The following IPCEF1 variants were observed in gnomAD, a reference collection of about 807,000 sequenced individuals.
IPCEF1 encodes interactor protein for cytohesin exchange factors 1.
Under a neutral mutation model 50.9 loss-of-function variants are expected in IPCEF1, and 31 were observed. The observed-to-expected ratio is 0.61, with a 90% CI of 0.46 to 0.82. The LOEUF (loss-of-function observed/expected upper bound fraction) is 0.82. Ranked by LOEUF, IPCEF1 falls within the 40% of genes least tolerant of loss-of-function variation. The pLI is 0.00. For missense variants in IPCEF1, 458 were observed against 514.0 expected, an observed-to-expected ratio of 0.89 and a Z score of 1.05; for synonymous variants, 181 against 192.0, an observed-to-expected ratio of 0.94 and a Z score of 0.47.
At chr6:154,276,425 T>C (rs1244424645) in intron 2 of IPCEF1, among the ~76,000 whole-genome samples, 1 of 152,152 alleles carries the variant, frequency 6.6e-6, no homozygotes, top group African/African-American at 2.4e-5. Flanking sequence ...AACTACTGTA[T>C]ATAATCATGG....
Position 154,208,692 on chromosome 6 carries a change from A to C in IPCEF1, c.537+4078T>G, listed in dbSNP as rs536061451. On this transcript the variant is annotated intron_variant, in intron 9 of 11. Transcript: ENST00000367220. ...TGATGCTTTTTTAAAATTAAACTTG[A>C]AGGAAAAATACCTGGAGTAAATTTT... Among the ~76,000 whole-genome samples, 6 of 152,330 alleles carry C rather than the reference A, an allele frequency of 3.9e-5. No homozygotes were observed. The East Asian group carries it at 9.6e-4, about 24-fold the overall frequency.
At chr6:154,283,291 CAAAA>C (rs35691566) in intron 2 of IPCEF1, among the ~76,000 whole-genome samples, 1 of 66,404 alleles carries the variant, frequency 1.5e-5, no homozygotes. Context: ...AACTCCATCT[CAAAA>C]AAAAAAAAAA....
chr6:154,247,528 T>C (rs912699808), intron 3 of IPCEF1, 40 bp from the exon 4 acceptor site: 5 of 1,583,758 alleles, frequency 3.2e-6, no homozygotes, highest in Non-Finnish European at 4.3e-6. Flanking sequence ...AAATTTCTGA[T>C]TGTGTTGTAA....
intron 2 of IPCEF1, among the ~76,000 whole-genome samples, chr6:154,271,302 G>A (rs1236575294): frequency 6.6e-6 from 1 of 151,538 alleles, no homozygotes; most frequent in Non-Finnish European, 1.5e-5. Flanking sequence ...GTCAAGGTTG[G>A]TATGATAGTG....
intron 1 of IPCEF1, among the ~76,000 whole-genome samples, chr6:154,352,800 T>C (rs534928138): frequency 1.1e-4 from 16 of 152,374 alleles, no homozygotes; most frequent in African/African-American, 3.8e-4. Context: ...TAAAATAATC[T>C]GTGACTCTAT....
intron 4 of IPCEF1, 38 bp downstream of exon 4, chr6:154,247,411 A>G: frequency 6.3e-7 from 1 of 1,578,542 alleles, no homozygotes; most frequent in South Asian, 1.1e-5. Context: ...CTCAACGTAC[A>G]CAAAATGGAG....
intron 7 of IPCEF1, among the ~76,000 whole-genome samples, chr6:154,215,404 G>T (rs1453124321): frequency 6.6e-6 from 1 of 152,054 alleles, no homozygotes; most frequent in East Asian, 1.9e-4. Context: ...AGAAGTTCAA[G>T]ACCAGCCTGA....
chr6:154,252,621 G>A (rs1162778913), intron 3 of IPCEF1, among the ~76,000 whole-genome samples: 2 of 152,122 alleles, frequency 1.3e-5, no homozygotes, highest in African/African-American at 2.4e-5. Context: ...GCTGCAGTAT[G>A]CCGAGATCAT....
intron 10 of IPCEF1, among the ~76,000 whole-genome samples, chr6:154,187,128 T>A (rs995519989): frequency 1.3e-4 from 20 of 152,300 alleles, no homozygotes; most frequent in African/African-American, 4.8e-4. Context: ...CCTGGAAGAC[T>A]CTTCCCCAAA....
At chr6:154,267,829 G>A (rs1781796987) in intron 2 of IPCEF1, among the ~76,000 whole-genome samples, 1 of 152,154 alleles carries the variant, frequency 6.6e-6, no homozygotes, top group Non-Finnish European at 1.5e-5. Context: ...TAGTCCCAAT[G>A]TCTCTGCAGG....
rs569680249 is a variant in IPCEF1, at chr6:154,193,091, G to A, written c.910+6577C>T. ...ATGCATGTTTACAGCAGCACAATTC[G>A]CAATTGCTAAAATATGGAACCAGCC... On this transcript the variant is annotated intron_variant, in intron 10 of 11. Coordinates refer to ENST00000367220, the MANE Select transcript of IPCEF1 (RefSeq NM_001130700.2). Among the ~76,000 whole-genome samples the A allele has an allele frequency of 3.9e-5, 6 of 152,242 alleles. No homozygotes were observed. In the South Asian group the frequency reaches 8.3e-4, roughly 21 times the overall value.
chr6:154,333,850 T>G lies in IPCEF1; in HGVS notation c.-62+22822A>C, dbSNP rs147992069. On this transcript the variant is annotated intron_variant, in intron 1 of 11. Coordinates refer to ENST00000367220, the MANE Select transcript of IPCEF1 (RefSeq NM_001130700.2). ...ATACATATTTACCATGACTCACACA[T>G]TTCTTTAGTCACAGACTGCCCCTCC... Among the ~76,000 whole-genome samples, 174 of 152,198 alleles carry G rather than the reference T, an allele frequency of 1.1e-3. 1 individual carries two copies. The highest frequency in any genetic ancestry group is 3.4e-3 in the Middle Eastern group (1 of 294).
intron 7 of IPCEF1, 82 bp from the exon 8 acceptor site, chr6:154,214,358 A>G (rs1778212863): frequency 1.0e-6 from 1 of 959,920 alleles, no homozygotes; most frequent in African/African-American, 1.6e-5. Flanking sequence ...TTGTTATGAA[A>G]TTAGGTCATG....
intron 1 of IPCEF1, among the ~76,000 whole-genome samples, chr6:154,307,213 C>T (rs185027595): frequency 4.6e-5 from 7 of 152,180 alleles, no homozygotes; most frequent in Admixed American, 2.6e-4. Context: ...GGGAGGGACC[C>T]GGTGGGACAT....
intron 1 of IPCEF1, among the ~76,000 whole-genome samples, chr6:154,345,854 A>AT (rs11314832): frequency 2.0e-5 from 3 of 151,586 alleles, no homozygotes; most frequent in African/African-American, 4.9e-5. Flanking sequence ...CTTTTATCTC[A>AT]TTTTTTTTGT....
chr6:154,313,603 G>A (rs1478829830), intron 1 of IPCEF1, among the ~76,000 whole-genome samples: 1 of 152,082 alleles, frequency 6.6e-6, no homozygotes, highest in Non-Finnish European at 1.5e-5. Context: ...CTCAATCACT[G>A]TTCTAGTTAT....
At chr6:154,326,739 A>C (rs986381015) in intron 1 of IPCEF1, among the ~76,000 whole-genome samples, 3 of 152,202 alleles carry the variant, frequency 2.0e-5, no homozygotes, top group Non-Finnish European at 4.4e-5. Context: ...GGAACCAAAA[A>C]AGAGCCCAAA....
In IPCEF1 at chr6:154,272,401, T is replaced by G. The variant is rs113884013; in HGVS notation, c.-17-6437A>C. 2.9e-3 allele frequency among the ~76,000 whole-genome samples: 439 copies of G among 152,370 alleles called. 2 individuals are homozygous for G. The highest frequency in any genetic ancestry group is 3.3e-3 in the Non-Finnish European group (223 of 68,040). ...TCCCTAGCCAACTAACCAATGACAT[T>G]TTTGGTGCCTTGTTTCAGAGTTTAA... is the stretch of plus-strand genomic sequence containing the variant. On this transcript the variant is annotated intron_variant, in intron 2 of 11. Coordinates refer to ENST00000367220, the MANE Select transcript of IPCEF1 (RefSeq NM_001130700.2).
chr6:154,248,577 T>C (rs577904774), intron 3 of IPCEF1, among the ~76,000 whole-genome samples: 30 of 152,294 alleles, frequency 2.0e-4, no homozygotes, highest in African/African-American at 7.2e-4. Flanking sequence ...TAACTATTGA[T>C]CTGATAGCTA....
Sources: gnomAD v4.1 joint callset for allele counts (sites outside exome capture counted in the v4.1 genomes callset) on GRCh38, gnomAD v4.1.1 for gene constraint, MANE v1.5 for transcripts, NCBI Gene and HGNC (gene_info 2026-07-23, HGNC 2026-07-21) for gene names.